Variants in PRKCA observed in about 807,000 individuals in gnomAD.
PRKCA encodes protein kinase C alpha, also known as protein kinase C alpha type.
In PRKCA, 27 loss-of-function variants were observed where a neutral mutation model predicts 87.0. The observed-to-expected ratio is 0.31, with a 90% confidence interval of 0.23 to 0.43. PRKCA has a LOEUF of 0.43. Ranked by LOEUF, PRKCA falls within the 20% of genes least tolerant of loss-of-function variation. The probability of loss-of-function intolerance (pLI) is 1.00; values close to 1 mark genes in which losing one functional copy is unlikely to be tolerated. For synonymous variants in PRKCA, 329 were observed against 311.1 expected, an observed-to-expected ratio of 1.06 and a Z score of -0.61; for missense variants, 518 against 852.3, an observed-to-expected ratio of 0.61 and a Z score of 4.88.
At chr17:66,708,203 C>T (rs1160654967) in intron 8 of PRKCA, among the ~76,000 whole-genome samples, 1 of 152,222 alleles carries the variant, frequency 6.6e-6, no homozygotes, top group Non-Finnish European at 1.5e-5. Context: ...CGGTGGCTGT[C>T]GTGTCTTCAG....
At chr17:66,333,925 C>A (rs1906503810) in intron 2 of PRKCA, among the ~76,000 whole-genome samples, 1 of 152,026 alleles carries the variant, frequency 6.6e-6, no homozygotes, top group South Asian at 2.1e-4. Flanking sequence ...TTTTAGAACA[C>A]CTAATATAAA....
chr17:66,789,797 T>C (rs1359361291), intron 16 of PRKCA, among the ~76,000 whole-genome samples: 4 of 152,226 alleles, frequency 2.6e-5, no homozygotes, highest in African/African-American at 9.7e-5. Flanking sequence ...CTGACGCTGA[T>C]GCTGTGGGCC....
At chr17:66,797,543 C>T (rs909188863) in intron 16 of PRKCA, among the ~76,000 whole-genome samples, 5 of 152,186 alleles carry the variant, frequency 3.3e-5, no homozygotes, top group Admixed American at 1.3e-4. Flanking sequence ...CCTGCCTCCT[C>T]GCTGAGGAAG....
At chr17:66,340,350 G>T (rs1200722558) in intron 2 of PRKCA, among the ~76,000 whole-genome samples, 1 of 150,182 alleles carries the variant, frequency 6.7e-6, no homozygotes, top group Non-Finnish European at 1.5e-5. Flanking sequence ...ATTTGAACTG[G>T]CAGGGTGTTT....
chr17:66,804,074 A>G lies in PRKCA; in HGVS notation c.*37A>G. ...GAGAACAAACACCTCCCCAGCCCCC[A>G]GCCCTCCCCGCAGTGGGAAGTGAAT... On this transcript the variant is annotated 3_prime_UTR_variant, in exon 17 of 17. Coordinates refer to ENST00000413366, the MANE Select transcript of PRKCA (RefSeq NM_002737.3). 1 of 1,583,340 alleles carries G rather than the reference A, an allele frequency of 6.3e-7. No homozygotes were observed. Among genetic ancestry groups the G allele is most frequent in the Non-Finnish European group, 8.6e-7 (1 of 1,157,680 alleles).
intron 3 of PRKCA, among the ~76,000 whole-genome samples, chr17:66,505,222 A>C (rs921116983): frequency 1.3e-5 from 2 of 152,186 alleles, no homozygotes; most frequent in African/African-American, 4.8e-5. Flanking sequence ...GGGAGTTAAA[A>C]ATAGCCTCCG....
intron 5 of PRKCA, among the ~76,000 whole-genome samples, chr17:66,647,627 G>A (rs942284676): frequency 6.6e-6 from 1 of 152,216 alleles, no homozygotes; most frequent in African/African-American, 2.4e-5. Flanking sequence ...AGAGAGCACA[G>A]ATGCTCTGGC....
chr17:66,477,088 C>G (rs8080339), intron 2 of PRKCA, among the ~76,000 whole-genome samples: 3,508 of 152,220 alleles, frequency 0.023, 131 homozygotes, highest in African/African-American at 0.08. Flanking sequence ...CCCACCCTAC[C>G]AGGACGAGGG....
chr17:66,506,250 C>T (rs375140613), intron 3 of PRKCA, among the ~76,000 whole-genome samples: 1 of 151,614 alleles, frequency 6.6e-6, no homozygotes, highest in South Asian at 2.1e-4. Flanking sequence ...GAGCCGACAT[C>T]GTGCCACTGC....
intron 8 of PRKCA, among the ~76,000 whole-genome samples, chr17:66,694,945 A>G (rs1342993838): frequency 1.3e-5 from 2 of 152,072 alleles, no homozygotes; most frequent in Admixed American, 6.5e-5. Flanking sequence ...CTTGGGCTAC[A>G]TCTACCTTCA....
chr17:66,414,834 C>T (rs1912041844), intron 2 of PRKCA: 1 of 152,068 alleles, frequency 6.6e-6, no homozygotes, highest in African/African-American at 2.4e-5. Flanking sequence ...TGCCAGGAGA[C>T]TTACTTCATA....
chr17:66,740,246 G>A (rs890690749), intron 11 of PRKCA, among the ~76,000 whole-genome samples: 1 of 152,034 alleles, frequency 6.6e-6, no homozygotes. Flanking sequence ...GGAAGACGTG[G>A]GCTCCAGGTG....
intron 2 of PRKCA, among the ~76,000 whole-genome samples, chr17:66,435,045 G>A (rs1598668255): frequency 6.6e-6 from 1 of 152,130 alleles, no homozygotes; most frequent in Non-Finnish European, 1.5e-5. Flanking sequence ...CTACTTTGCT[G>A]TTTGTATTCT....
At chr17:66,439,408 C>T (rs1913597279) in intron 2 of PRKCA, among the ~76,000 whole-genome samples, 1 of 152,168 alleles carries the variant, frequency 6.6e-6, no homozygotes, top group Non-Finnish European at 1.5e-5. Context: ...TCTCGAACTC[C>T]TGACCTTGTG....
chr17:66,375,675 A>T (rs1300785833), intron 2 of PRKCA, among the ~76,000 whole-genome samples: 1 of 152,158 alleles, frequency 6.6e-6, no homozygotes, highest in African/African-American at 2.4e-5. Context: ...TATTTAAAAT[A>T]GTTGTTGGCT....
chr17:66,749,016 G>A (rs1046374331), intron 13 of PRKCA, among the ~76,000 whole-genome samples: 1 of 150,738 alleles, frequency 6.6e-6, no homozygotes, highest in Non-Finnish European at 1.5e-5. Context: ...GCGGGTATTA[G>A]GTATCTTGGC....
At chr17:66,480,821 A>G (rs965172761) in intron 2 of PRKCA, among the ~76,000 whole-genome samples, 1 of 151,382 alleles carries the variant, frequency 6.6e-6, no homozygotes, top group African/African-American at 2.4e-5. Flanking sequence ...GAGAGTGTTT[A>G]GTAAAATATT....
chr17:66,454,488 T>C (rs1724158064), intron 2 of PRKCA, among the ~76,000 whole-genome samples: 2 of 152,116 alleles, frequency 1.3e-5, no homozygotes, highest in Admixed American at 1.3e-4. Context: ...TATTAGTCTG[T>C]TTTCATGCTA....
At chr17:66,631,194 T>C (rs980346) in intron 3 of PRKCA, among the ~76,000 whole-genome samples, 80,795 of 152,060 alleles carry the variant, frequency 0.53, 21,616 homozygotes, top group African/African-American at 0.59. Context: ...AGCAGTATAA[T>C]CTAGTCTCTT....
Sources: gnomAD v4.1 joint callset for allele counts (sites outside exome capture counted in the v4.1 genomes callset) on GRCh38, gnomAD v4.1.1 for gene constraint, MANE v1.5 for transcripts, NCBI Gene and HGNC (gene_info 2026-07-23, HGNC 2026-07-21) for gene names.